Variants in NPTN observed in about 807,000 individuals in gnomAD.
NPTN encodes neuroplastin, also known as SDR-1.
Under a neutral mutation model 42.7 loss-of-function variants are expected in NPTN, and 5 were observed. The observed-to-expected ratio is 0.12, with a 90% CI of 0.06 to 0.25. The LOEUF (loss-of-function observed/expected upper bound fraction) is 0.25. Ranked by LOEUF, NPTN falls within the 10% of genes least tolerant of loss-of-function variation. NPTN has a pLI of 1.00. For synonymous variants in NPTN, 180 were observed against 201.9 expected (o/e 0.89, Z 0.92); for missense variants, 307 against 525.4 (o/e 0.58, Z 4.06).
At chr15:73,565,216 C>T (rs1262035035) in intron 6 of NPTN, among the ~76,000 whole-genome samples, 2 of 152,152 alleles carry the variant, frequency 1.3e-5, no homozygotes, top group African/African-American at 2.4e-5. Context: ...CCCAAATCCA[C>T]TTTCACACTG....
chr15:73,593,602 G>A (rs913353532), intron 2 of NPTN, among the ~76,000 whole-genome samples: 2 of 152,202 alleles, frequency 1.3e-5, no homozygotes, highest in Non-Finnish European at 2.9e-5. Flanking sequence ...GGGAAAGCAT[G>A]GGGAAGTCGT....
At chr15:73,584,428 G>C (rs1226519539) in intron 4 of NPTN, among the ~76,000 whole-genome samples, 1 of 152,068 alleles carries the variant, frequency 6.6e-6, no homozygotes, top group Non-Finnish European at 1.5e-5. Flanking sequence ...AAGGAGAAGA[G>C]GGAAGGAGTA....
Position 73,573,655 on chromosome 15 carries a change from T to C in NPTN, c.840+7A>G. 2 of 1,564,746 alleles carry C rather than the reference T, an allele frequency of 1.3e-6. No homozygotes were observed. The highest frequency in any genetic ancestry group is 1.7e-6 in the Non-Finnish European group (2 of 1,159,106). On this transcript the variant is annotated splice_region_variant and intron_variant, in intron 5 of 8. Transcript: ENST00000345330. ...CAACCAGAGACCCGGGCCTGCCTCCTACTCACCATGGGCATCCCGTTCTCC... is the reference window on the plus strand; with the variant it reads ...CAACCAGAGACCCGGGCCTGCCTCCCACTCACCATGGGCATCCCGTTCTCC...
At chr15:73,565,690 T>C (rs1894946434) in intron 6 of NPTN, 1 of 454,196 alleles carries the variant, frequency 2.2e-6, no homozygotes, top group Non-Finnish European at 4.4e-6. Context: ...TTACAGCCAC[T>C]GGCTAGATGA....
chr15:73,631,940 C>A (rs993820921), intron 1 of NPTN, among the ~76,000 whole-genome samples: 6 of 152,200 alleles, frequency 3.9e-5, no homozygotes, highest in African/African-American at 1.2e-4. Context: ...CAATTCAAAA[C>A]CCAGTAATTC....
intron 5 of NPTN, among the ~76,000 whole-genome samples, chr15:73,571,267 C>T (rs904669889): frequency 2.0e-5 from 3 of 152,098 alleles, no homozygotes; most frequent in Admixed American, 6.6e-5. Flanking sequence ...TAACACAAAA[C>T]AAAACAAACA....
At chr15:73,588,602 T>C (rs1384805604) in intron 3 of NPTN, among the ~76,000 whole-genome samples, 1 of 152,176 alleles carries the variant, frequency 6.6e-6, no homozygotes, top group Non-Finnish European at 1.5e-5. Flanking sequence ...TGCACCAAGC[T>C]TGTTCGCACC....
chr15:73,598,565 C>CCA (rs1267755701), intron 1 of NPTN, among the ~76,000 whole-genome samples: 4 of 152,102 alleles, frequency 2.6e-5, no homozygotes, highest in Non-Finnish European at 4.4e-5. Context: ...TCTTACCCTT[C>CCA]CACCCCACCT....
At chr15:73,561,108 C>T (rs1019174547) in intron 8 of NPTN, 60 bp from the exon 9 acceptor site, 2 of 152,378 alleles carry the variant, frequency 1.3e-5, no homozygotes, top group African/African-American at 2.4e-5. Context: ...CTCACAACTA[C>T]ACCGTGTGCC....
intron 1 of NPTN, among the ~76,000 whole-genome samples, chr15:73,605,124 T>A (rs1897242397): frequency 1.4e-5 from 2 of 146,940 alleles, no homozygotes; most frequent in African/African-American, 5.3e-5. Context: ...AAGAATGATC[T>A]AAACTAGTCC....
At chr15:73,616,050 G>A (rs886532955) in intron 1 of NPTN, among the ~76,000 whole-genome samples, 2 of 152,100 alleles carry the variant, frequency 1.3e-5, no homozygotes, top group African/African-American at 4.8e-5. Flanking sequence ...TTTGCATAGG[G>A]TAATTATATT....
At chr15:73,588,978 GAGTGAAT>G (rs1896456660) in intron 3 of NPTN, among the ~76,000 whole-genome samples, 1 of 152,170 alleles carries the variant, frequency 6.6e-6, no homozygotes, top group Non-Finnish European at 1.5e-5. Context: ...CACAAACACA[GAGTGAAT>G]ATCTATGTAC....
rs571565722 is a variant in NPTN at position 73,603,360 on chromosome 15, G to A, written c.92-5991C>T. ...GGAAGCAGAACTTCACATCCAAAAT[G>A]AGCTTAACTTAAAATCCAAGTTCTT... is the stretch of plus-strand genomic sequence containing the variant. On this transcript the variant is annotated intron_variant, in intron 1 of 8. Transcript: ENST00000345330. 3.3e-5 allele frequency among the ~76,000 whole-genome samples: 5 copies of A among 152,314 alleles called. No homozygotes were observed. In the South Asian group the frequency reaches 6.2e-4, roughly 19 times the overall value.
intron 1 of NPTN, among the ~76,000 whole-genome samples, chr15:73,608,979 C>T (rs1456220178): frequency 6.6e-6 from 1 of 152,118 alleles, no homozygotes; most frequent in Non-Finnish European, 1.5e-5. Context: ...TGGAAATATG[C>T]ACTTGGGAAT....
chr15:73,568,061 A>G (rs946692767), intron 6 of NPTN: 7 of 985,372 alleles, frequency 7.1e-6, no homozygotes, highest in South Asian at 9.4e-5. Flanking sequence ...GATGTCTCCT[A>G]TAACAAACTG....
At chr15:73,612,211 G>C (rs961378783) in intron 1 of NPTN, among the ~76,000 whole-genome samples, 5 of 152,078 alleles carry the variant, frequency 3.3e-5, no homozygotes, top group Non-Finnish European at 7.4e-5. Context: ...TTGAGCCCAG[G>C]AGTTCAAGAC....
rs1397885520 is a variant in NPTN, at chr15:73,569,184, CAATT to C, written c.1114+962_1114+965del. 3.0e-6 allele frequency: 3 copies of C among 985,294 alleles called. No homozygotes were observed. In the African/African-American group the frequency reaches 5.2e-5, roughly 17 times the overall value. The allele number at this position is 985,294 out of a possible 1,614,324, so 61.0% of individuals were successfully genotyped here. On this transcript the variant is annotated intron_variant, in intron 6 of 8. Transcript: ENST00000345330. This position sits in a 1 kb window ranked among gnomAD's most constrained non-coding sequence, Gnocchi z 4.1. ...CAGACTAGTGGTGGTAACAGTCGGC[CAATT>C]AATTTCTGTACGCCGGTCATGTTAT... is the stretch of plus-strand genomic sequence containing the variant.
intron 1 of NPTN, among the ~76,000 whole-genome samples, chr15:73,601,101 AC>A (rs1310228513): frequency 1.3e-5 from 2 of 152,222 alleles, no homozygotes; most frequent in African/African-American, 4.8e-5. Flanking sequence ...GCACAGTTCC[AC>A]AAGGTTCATA....
At chr15:73,627,413 G>A (rs567147311) in intron 1 of NPTN, among the ~76,000 whole-genome samples, 23 of 152,036 alleles carry the variant, frequency 1.5e-4, no homozygotes, top group Non-Finnish European at 2.9e-4. Flanking sequence ...TGTTTCCCTC[G>A]AGCTGACTAC....
Sources: allele counts gnomAD v4.1 joint callset (sites outside exome capture counted in the v4.1 genomes callset), GRCh38; gene constraint gnomAD v4.1.1; non-coding constraint Gnocchi (gnomAD v3.1); transcripts MANE v1.5; gene names NCBI Gene and HGNC (gene_info 2026-07-23, HGNC 2026-07-21).